Variants in FER1L5 observed in about 807,000 individuals in gnomAD.
FER1L5 encodes fer-1 like family member 5.
Under a neutral mutation model 279.9 loss-of-function variants are expected in FER1L5, and 187 were observed. That is an observed-to-expected ratio of 0.67 (90% CI 0.59 to 0.75). The LOEUF (loss-of-function observed/expected upper bound fraction) is 0.75, where lower values mean the gene tolerates loss of function less well. FER1L5 is among the 30% of genes least tolerant of loss of function. FER1L5 has a pLI of 0.00. For synonymous variants in FER1L5, 921 were observed against 989.7 expected (o/e 0.93, Z 1.30); for missense variants, 2,091 against 2,594.4 (o/e 0.81, Z 4.21).
In FER1L5 at chr2:96,691,366, C is replaced by T. The variant is rs368380176; in HGVS notation, c.2907+13C>T. ...CTTCCTGCAGCTGGTGAGGGGTCGA[C>T]GGGCGCCCTGGCTGGGACTGCGGGC... is the stretch of plus-strand genomic sequence containing the variant. On this transcript the variant is annotated intron_variant, in intron 28 of 52. Transcript: ENST00000624922. The surrounding 1 kb of genome is among the most constrained non-coding windows in gnomAD (Gnocchi z 6.0). 6.7e-5 allele frequency: 104 copies of T among 1,546,132 alleles called. 3 individuals are homozygous for T. Among genetic ancestry groups the T allele is most frequent in the Admixed American group, 2.0e-4 (10 of 50,688 alleles).
chr2:96,651,424 C>A (rs1359533687), intron 6 of FER1L5, among the ~76,000 whole-genome samples: 1 of 132,202 alleles, frequency 7.6e-6, no homozygotes, highest in African/African-American at 2.9e-5. Context: ...CTTTCTTTTC[C>A]TTCCTTCCTC....
intron 9 of FER1L5, among the ~76,000 whole-genome samples, chr2:96,659,397 CT>C (rs2075804959): frequency 2.3e-3 from 16 of 7,056 alleles, no homozygotes; most frequent in South Asian, 8.3e-3. Context: ...TTCTTTCTTT[CT>C]TTCTTTCTTT....
intron 12 of FER1L5, among the ~76,000 whole-genome samples, 175 bp from the exon 13 acceptor site, chr2:96,662,040 C>A (rs1346793234): frequency 6.6e-6 from 1 of 152,168 alleles, no homozygotes; most frequent in Non-Finnish European, 1.5e-5. Context: ...TATGTCCCCC[C>A]ACCCCATGCC....
rs944154753 is a variant in FER1L5 at position 96,654,476 on chromosome 2, G to A, written c.727G>A (p.Ala243Thr). 7 of 398,944 alleles carry A rather than the reference G, an allele frequency of 1.8e-5. No individual in the cohort carries two copies. Among genetic ancestry groups the A allele is most frequent in the African/African-American group, 1.2e-4 (6 of 48,636 alleles). 24.7% of individuals were successfully genotyped at this position (398,944 alleles called of 1,614,324 possible). ...GAACTCCTCAGCAATGAGATACAAA[G>A]CAGAGATCGGGAGATTTCAAGTGAG... is the stretch of plus-strand genomic sequence containing the variant. ...VVNSSAMRYK[A>T]EIGRFQTDIG... The change falls in exon 9 of 53, where the codon GCA becomes ACA. Residue 243 changes from alanine (A) to threonine (T), a missense_variant. Coordinates refer to ENST00000624922, the MANE Select transcript of FER1L5 (RefSeq NM_001293083.2).
At position 96,670,139 on chromosome 2, in the gene FER1L5, G is replaced by A. The variant is rs879927980; in HGVS notation, c.1383G>A (p.Arg461=). The A allele has an allele frequency of 6.4e-7, 1 of 1,551,638 alleles. No individual in the cohort carries two copies. Among genetic ancestry groups the A allele is most frequent in the Non-Finnish European group, 8.7e-7 (1 of 1,146,984 alleles). The change falls in exon 18 of 53, where the codon AGG becomes AGA. Residue 461 remains arginine (R), a synonymous_variant. Coordinates refer to ENST00000624922, the MANE Select transcript of FER1L5 (RefSeq NM_001293083.2). The part of the protein sequence containing the change: ...EEGACIPDSV[R]DGLAYRGRVF... Reference sequence around the variant, plus strand: ...CCTAGTGTATTCCCGACTCTGTTAGGGATGGTTTAGCTTATCGAGGCCGAG... The same window carrying A: ...CCTAGTGTATTCCCGACTCTGTTAGAGATGGTTTAGCTTATCGAGGCCGAG...
At chr2:96,649,283 G>A (rs1351697467) in intron 4 of FER1L5, among the ~76,000 whole-genome samples, 1 of 152,110 alleles carries the variant, frequency 6.6e-6, no homozygotes, top group African/African-American at 2.4e-5. Context: ...ATGAGATGTT[G>A]GGCTAGGGGA....
chr2:96,684,016 C>T (rs1268555438), intron 19 of FER1L5, among the ~76,000 whole-genome samples: 2 of 152,194 alleles, frequency 1.3e-5, no homozygotes, highest in Admixed American at 6.5e-5. Flanking sequence ...TGGAGCTAGG[C>T]GCCTGCGTTA....
rs1490059679 is a variant in FER1L5 at position 96,686,126 on chromosome 2, T to A, written c.2073+9T>A. The A allele has an allele frequency of 1.9e-6, 3 of 1,549,122 alleles. No individual in the cohort carries two copies. The highest frequency in any genetic ancestry group is 3.9e-5 in the Admixed American group (2 of 50,866). ...ACACCGTGCTCCCTGAGGTGGGTGC[T>A]GCACACACTGGCCTGCAGCAGGGCT... On this transcript the variant is annotated intron_variant, in intron 22 of 52. Coordinates refer to ENST00000624922, the MANE Select transcript of FER1L5 (RefSeq NM_001293083.2).
intron 12 of FER1L5, among the ~76,000 whole-genome samples, 198 bp downstream of exon 12, chr2:96,661,989 C>G (rs538061021): frequency 2.0e-5 from 3 of 152,282 alleles, no homozygotes; most frequent in Admixed American, 2.0e-4. Context: ...TCTCACACCC[C>G]CAGCCTGTCT....
At position 96,698,848 on chromosome 2, in the gene FER1L5, T is replaced by G. The variant is rs1244380331; in HGVS notation, c.4518+16T>G. On this transcript the variant is annotated intron_variant, in intron 41 of 52. Coordinates refer to ENST00000624922, the MANE Select transcript of FER1L5 (RefSeq NM_001293083.2). The surrounding 1 kb of genome is among the most constrained non-coding windows in gnomAD (Gnocchi z 5.5). ...CAATGGCCTGGTAAAGAACAGTACCTGCCCCACACAGGTGCCCCGCACGCT... is the reference window on the plus strand; with the variant it reads ...CAATGGCCTGGTAAAGAACAGTACCGGCCCCACACAGGTGCCCCGCACGCT... The G allele has an allele frequency of 6.4e-7, 1 of 1,556,220 alleles. No homozygotes were observed. The highest frequency in any genetic ancestry group is 8.7e-7 in the Non-Finnish European group (1 of 1,149,854).
rs2077064777 is a variant in FER1L5 at position 96,689,638 on chromosome 2, C to T, written c.2526-6C>T. On this transcript the variant is annotated splice_region_variant and splice_polypyrimidine_tract_variant and intron_variant, in intron 25 of 52. Coordinates refer to ENST00000624922, the MANE Select transcript of FER1L5 (RefSeq NM_001293083.2). This position sits in a 1 kb window ranked among gnomAD's most constrained non-coding sequence, Gnocchi z 4.6. ...TGCTGGGAACTTGGGGTCTCATTAC[C>T]CCCAGGCTCCTCCTGGACATAGACA... 1.9e-6 allele frequency: 3 copies of T among 1,549,486 alleles called. No individual in the cohort carries two copies. Among genetic ancestry groups the T allele is most frequent in the Non-Finnish European group, 2.6e-6 (3 of 1,145,498 alleles).
rs2077151118 is a variant in FER1L5, at chr2:96,691,624, C to A, written c.3075+12C>A. 1 of 1,513,732 alleles carries A rather than the reference C, an allele frequency of 6.6e-7. No homozygotes were observed. Among genetic ancestry groups the A allele is most frequent in the African/African-American group, 1.4e-5 (1 of 72,064 alleles). 93.8% of individuals were successfully genotyped at this position (1,513,732 alleles called of 1,614,324 possible). On this transcript the variant is annotated intron_variant, in intron 29 of 52. Transcript: ENST00000624922. This position sits in a 1 kb window ranked among gnomAD's most constrained non-coding sequence, Gnocchi z 6.0. ...TGGAGGGGTCCTTGGTAAAGCCTCA[C>A]AGGCTGGGTGATGCCTGCCTGTAAC... is the stretch of plus-strand genomic sequence containing the variant.
chr2:96,694,780 A>G lies in FER1L5; in HGVS notation c.3741+316A>G, dbSNP rs186993455. On this transcript the variant is annotated intron_variant, in intron 34 of 52. Transcript: ENST00000624922. The surrounding 1 kb of genome is among the most constrained non-coding windows in gnomAD (Gnocchi z 4.6). ...GGAAATAGAGGCTCCAAGAGATAACACATTCCACGCACAGTGATGCAGGGA... is the reference window on the plus strand; with the variant it reads ...GGAAATAGAGGCTCCAAGAGATAACGCATTCCACGCACAGTGATGCAGGGA... The G allele has an allele frequency of 3.9e-5, 9 of 228,266 alleles. No individual in the cohort carries two copies. In the East Asian group the frequency reaches 7.8e-4, roughly 20 times the overall value. The allele number at this position is 228,266 out of a possible 1,614,324, so 14.1% of individuals were successfully genotyped here. A position where few individuals can be genotyped will look rare whatever the true frequency, so the allele number is the denominator to read the frequency against.
At chr2:96,665,024 G>A (rs2106545218) in intron 14 of FER1L5, among the ~76,000 whole-genome samples, 1 of 152,282 alleles carries the variant, frequency 6.6e-6, no homozygotes, top group East Asian at 1.9e-4. Flanking sequence ...GTCTGATTTT[G>A]ATCGCCTTTC....
chr2:96,694,359 G>A lies in FER1L5; in HGVS notation c.3637-1G>A. 2 of 1,547,130 alleles carry A rather than the reference G, an allele frequency of 1.3e-6. No homozygotes were observed. Among genetic ancestry groups the A allele is most frequent in the Non-Finnish European group, 8.7e-7 (1 of 1,144,652 alleles). On this transcript the variant is annotated splice_acceptor_variant, in intron 33 of 52. Coordinates refer to ENST00000624922, the MANE Select transcript of FER1L5 (RefSeq NM_001293083.2). LOFTEE classifies it high-confidence loss of function. The surrounding 1 kb of genome is among the most constrained non-coding windows in gnomAD (Gnocchi z 4.6). Reference sequence around the variant, plus strand: ...GCCTCATGCTCCCTGCCCTCCCCCAGAAGCTTGGAGAGAAGCAGCTGCCTA... The same window carrying A: ...GCCTCATGCTCCCTGCCCTCCCCCAAAAGCTTGGAGAGAAGCAGCTGCCTA...
chr2:96,686,000 GC>G lies in FER1L5; in HGVS notation c.1957del (p.Gln653SerfsTer47). 2 of 1,551,376 alleles carry G rather than the reference GC, an allele frequency of 1.3e-6. No individual in the cohort carries two copies. The highest frequency in any genetic ancestry group is 1.7e-6 in the Non-Finnish European group (2 of 1,146,908). On this transcript the variant is annotated frameshift_variant, in exon 22 of 53. Transcript: ENST00000624922. LOFTEE classifies it high-confidence loss of function. ...KATSLDRKRWQLRSLLLQELA... is the reference protein window; with the variant it reads ...KATSLDRKRWXLRSLLLQELA... ...CCACCAGCCTGGACAGGAAGAGGTG[GC>G]AGCTCCGCAGCCTCCTCCTGCAGGA...
chr2:96,700,617 C>T, intron 45 of FER1L5, 146 bp downstream of exon 45: 1 of 1,098,138 alleles, frequency 9.1e-7, no homozygotes, highest in Non-Finnish European at 1.3e-6. Flanking sequence ...GACAAGCATG[C>T]TGTGCACATT....
In FER1L5 at chr2:96,698,915, C is replaced by G; in HGVS notation, c.4518+83C>G. 6.5e-7 allele frequency: 1 copy of G among 1,532,062 alleles called. No homozygotes were observed. Among genetic ancestry groups the G allele is most frequent in the Non-Finnish European group, 8.8e-7 (1 of 1,131,044 alleles). 94.9% of individuals were successfully genotyped at this position (1,532,062 alleles called of 1,614,324 possible). On this transcript the variant is annotated intron_variant, in intron 41 of 52. Transcript: ENST00000624922. This position sits in a 1 kb window ranked among gnomAD's most constrained non-coding sequence, Gnocchi z 5.5. ...TGGGAGCCCCCTCCGACTGCTGACA[C>G]ACAGAATGCCAACTCCCCATAGGCT... is the stretch of plus-strand genomic sequence containing the variant.
intron 36 of FER1L5, 35 bp from the exon 37 acceptor site, chr2:96,696,017 A>G: frequency 5.0e-6 from 8 of 1,613,468 alleles, no homozygotes; most frequent in Non-Finnish European, 6.8e-6. Context: ...CCCTCTCCCC[A>G]TCCTGAGACT....
Sources: allele counts gnomAD v4.1 joint callset (sites outside exome capture counted in the v4.1 genomes callset), GRCh38; gene constraint gnomAD v4.1.1; non-coding constraint Gnocchi (gnomAD v3.1); transcripts MANE v1.5; gene names NCBI Gene and HGNC (gene_info 2026-07-23, HGNC 2026-07-21).